Variants in EDARADD observed in about 807,000 individuals in gnomAD.
EDARADD encodes EDAR associated via death domain.
Under a neutral mutation model 25.6 loss-of-function variants are expected in EDARADD, and 20 were observed. That is an observed-to-expected ratio of 0.78 (90% confidence interval 0.55 to 1.14). The LOEUF (loss-of-function observed/expected upper bound fraction) is 1.14. Ranked by LOEUF, EDARADD falls within the 50% of genes most tolerant of loss-of-function variation. The pLI, the probability that EDARADD is intolerant of heterozygous loss-of-function variation, is 0.00. For synonymous variants in EDARADD, 86 were observed against 94.4 expected (o/e 0.91, Z 0.52); for missense variants, 225 against 270.1 (o/e 0.83, Z 1.17).
intron 4 of EDARADD, among the ~76,000 whole-genome samples, chr1:236,465,665 G>A (rs563667556): frequency 5.3e-5 from 8 of 152,274 alleles, no homozygotes; most frequent in African/African-American, 1.9e-4. Context: ...CATATCTTGA[G>A]GTCAAGGGTT....
intron 3 of EDARADD, among the ~76,000 whole-genome samples, chr1:236,387,412 C>T (rs879921797): frequency 0.012 from 409 of 33,088 alleles, no homozygotes; most frequent in South Asian, 0.036. Flanking sequence ...CCGCCCCGTC[C>T]GGGAGGTGAG....
In EDARADD at chr1:236,483,152, C is replaced by A; in HGVS notation, c.*503C>A. ...TCTCCTAGGCAATGAGACCCAGTGGCTAGAAATTCACCATGTCTATTCTCA... is the reference window on the plus strand; with the variant it reads ...TCTCCTAGGCAATGAGACCCAGTGGATAGAAATTCACCATGTCTATTCTCA... On this transcript the variant is annotated 3_prime_UTR_variant, in exon 6 of 6. Transcript: ENST00000334232. 2 of 1,516,164 alleles carry A rather than the reference C, an allele frequency of 1.3e-6. No individual in the cohort carries two copies. The highest frequency in any genetic ancestry group is 9.1e-7 in the Non-Finnish European group (1 of 1,094,878). 93.9% of individuals were successfully genotyped at this position (1,516,164 alleles called of 1,614,324 possible).
rs2103043835 is a variant in EDARADD at position 236,484,256 on chromosome 1, T to C, written c.*1607T>C. ...CGTGCAAGCTGGCCCAGGCCAATGG[T>C]TGGTGTGTCATGGTGCCTCATCATT... On this transcript the variant is annotated 3_prime_UTR_variant, in exon 6 of 6. Coordinates refer to ENST00000334232, the MANE Select transcript of EDARADD (RefSeq NM_145861.4). This position sits in a 1 kb window ranked among gnomAD's most constrained non-coding sequence, Gnocchi z 4.1. The C allele has an allele frequency of 1.0e-6, 1 of 955,776 alleles. No individual in the cohort carries two copies. The highest frequency in any genetic ancestry group is 1.3e-5 in the South Asian group (1 of 77,854). The allele number at this position is 955,776 out of a possible 1,614,324, so 59.2% of individuals were successfully genotyped here.
intron 4 of EDARADD, among the ~76,000 whole-genome samples, chr1:236,465,376 C>T (rs1023667133): frequency 5.9e-5 from 9 of 152,160 alleles, no homozygotes; most frequent in African/African-American, 1.7e-4. Flanking sequence ...TCCTTCTTTT[C>T]GTTTTGTTTG....
chr1:236,484,521 C>A lies in EDARADD; in HGVS notation c.*1872C>A. On this transcript the variant is annotated 3_prime_UTR_variant, in exon 6 of 6. Coordinates refer to ENST00000334232, the MANE Select transcript of EDARADD (RefSeq NM_145861.4). The surrounding 1 kb of genome is among the most constrained non-coding windows in gnomAD (Gnocchi z 4.1). Reference sequence around the variant, plus strand: ...ACCTGGTGGCTAATTAGACCCCTCCCCTTGTGTCAACTCCGGCAGCTCAAG... The same window carrying A: ...ACCTGGTGGCTAATTAGACCCCTCCACTTGTGTCAACTCCGGCAGCTCAAG... 1 of 1,464,684 alleles carries A rather than the reference C, an allele frequency of 6.8e-7. No homozygotes were observed. 90.7% of individuals were successfully genotyped at this position (1,464,684 alleles called of 1,614,324 possible).
chr1:236,454,032 A>ATCTATT (rs1658782645), intron 4 of EDARADD, among the ~76,000 whole-genome samples: 1 of 151,758 alleles, frequency 6.6e-6, no homozygotes, highest in African/African-American at 2.4e-5. Context: ...CAGAGTTTGT[A>ATCTATT]TCTTTTTCTT....
intron 2 of EDARADD, among the ~76,000 whole-genome samples, chr1:236,413,107 G>T (rs569885853): frequency 3.9e-4 from 59 of 152,224 alleles, no homozygotes; most frequent in African/African-American, 1.3e-3. Flanking sequence ...CAGGTGATCT[G>T]CCTGCCTCAG....
chr1:236,481,945 T>C (rs1197968376), intron 5 of EDARADD, among the ~76,000 whole-genome samples: 5 of 150,732 alleles, frequency 3.3e-5, no homozygotes, highest in Admixed American at 6.6e-5. Flanking sequence ...AACCCCGTCT[T>C]TACTAAAAAC....
At chr1:236,368,108 T>C (rs1225412579) in intron 3 of EDARADD, among the ~76,000 whole-genome samples, 1 of 152,082 alleles carries the variant, frequency 6.6e-6, no homozygotes, top group East Asian at 1.9e-4. Context: ...AGACCCTGTC[T>C]CAAATAAAAA....
chr1:236,449,212 G>A (rs1053159316), intron 4 of EDARADD, among the ~76,000 whole-genome samples: 8 of 152,130 alleles, frequency 5.3e-5, no homozygotes, highest in African/African-American at 1.9e-4. Context: ...GGCCATATTG[G>A]ATTTTAGAGC....
At chr1:236,414,554 C>A (rs960831538) in intron 3 of EDARADD, among the ~76,000 whole-genome samples, 7 of 151,974 alleles carry the variant, frequency 4.6e-5, no homozygotes, top group African/African-American at 1.7e-4. Context: ...GCGTTAAATT[C>A]CTGTGGTGTT....
At chr1:236,392,951 T>C (rs1314939965), upstream of EDARADD, among the ~76,000 whole-genome samples, 2 of 152,190 alleles carry the variant, frequency 1.3e-5, no homozygotes, top group African/African-American at 4.8e-5. Flanking sequence ...ATCCAGCTAA[T>C]ATTTAAATTA....
At chr1:236,393,391 CTTTTTTTTTTT>C (rs761525038), upstream of EDARADD, among the ~76,000 whole-genome samples, 2 of 87,212 alleles carry the variant, frequency 2.3e-5, no homozygotes, top group Admixed American at 1.8e-4. Flanking sequence ...TTCTTTCTTT[CTTTTTTTTTTT>C]TTTTTTTTTT....
In EDARADD at chr1:236,484,200, C is replaced by A; in HGVS notation, c.*1551C>A. ...CAACTGCCTCCTGCTCAAAGTGAAC[C>A]AGATTCGCTCTGTGACTGAGTCCCT... is the stretch of plus-strand genomic sequence containing the variant. On this transcript the variant is annotated 3_prime_UTR_variant, in exon 6 of 6. Transcript: ENST00000334232. The surrounding 1 kb of genome is among the most constrained non-coding windows in gnomAD (Gnocchi z 4.1). The A allele has an allele frequency of 9.3e-7, 1 of 1,079,496 alleles. No homozygotes were observed. Among genetic ancestry groups the A allele is most frequent in the Non-Finnish European group, 1.4e-6 (1 of 693,146 alleles). 66.9% of individuals were successfully genotyped at this position (1,079,496 alleles called of 1,614,324 possible). A position where few individuals can be genotyped will look rare whatever the true frequency, so the allele number is the denominator to read the frequency against.
chr1:236,367,707 T>A (rs1280080922), intron 3 of EDARADD, among the ~76,000 whole-genome samples: 2 of 152,188 alleles, frequency 1.3e-5, no homozygotes, highest in Non-Finnish European at 2.9e-5. Context: ...TGGGCTAAGA[T>A]GTTTTGGCTT....
chr1:236,434,319 C>A (rs1043479588), intron 4 of EDARADD, among the ~76,000 whole-genome samples: 85 of 152,066 alleles, frequency 5.6e-4, no homozygotes, highest in African/African-American at 2.1e-3. Flanking sequence ...CTCACTGCAA[C>A]CTCTGCCACC....
chr1:236,479,399 G>T (rs116689088), intron 5 of EDARADD, among the ~76,000 whole-genome samples: 1 of 151,944 alleles, frequency 6.6e-6, no homozygotes, highest in Non-Finnish European at 1.5e-5. Context: ...GGAGGCTGAG[G>T]TGAGAGTATT....
chr1:236,373,514 C>T (rs781048900), intron 3 of EDARADD, among the ~76,000 whole-genome samples: 3 of 152,180 alleles, frequency 2.0e-5, no homozygotes, highest in African/African-American at 4.8e-5. Context: ...CTCCTTCTTA[C>T]ATTTCTGATA....
upstream of EDARADD, among the ~76,000 whole-genome samples, chr1:236,392,433 C>T (rs1055820791): frequency 1.3e-4 from 19 of 151,782 alleles, no homozygotes; most frequent in Non-Finnish European, 2.1e-4. Context: ...AAGTGACCCT[C>T]GTGCTTCACC....
Sources: gnomAD v4.1 joint callset for allele counts (sites outside exome capture counted in the v4.1 genomes callset) on GRCh38, gnomAD v4.1.1 for gene constraint, Gnocchi (gnomAD v3.1) non-coding constraint, MANE v1.5 for transcripts, NCBI Gene and HGNC (gene_info 2026-07-23, HGNC 2026-07-21) for gene names.